NAALADL2: variants seen among roughly 807,000 people sequenced by gnomAD.
The protein encoded by NAALADL2 is N-acetylated alpha-linked acidic dipeptidase like 2, also known as inactive N-acetylated-alpha-linked acidic dipeptidase-like protein 2.
Under a neutral mutation model 87.2 loss-of-function variants are expected in NAALADL2, and 76 were observed. The ratio of observed to expected loss-of-function variants is 0.87; its 90% CI spans 0.72 to 1.05. The LOEUF is 1.05. NAALADL2 is among the 50% of genes least tolerant of loss of function. The pLI, the probability that NAALADL2 is intolerant of heterozygous loss-of-function variation, is 0.00. For missense variants in NAALADL2, 1,089 were observed against 945.8 expected (o/e 1.15, Z -1.99); for synonymous variants, 354 against 331.0 (o/e 1.07, Z -0.75).
In NAALADL2 at chr3:175,324,279, A is replaced by G. The variant is rs1760400981; in HGVS notation, c.1044A>G (p.Ser348=). The G allele has an allele frequency of 6.2e-7, 1 of 1,613,540 alleles. No individual in the cohort carries two copies. Among genetic ancestry groups the G allele is most frequent in the Admixed American group, 1.7e-5 (1 of 59,968 alleles). Residue 348 remains serine (S), a synonymous_variant, in exon 5 of 14, where the codon TCA becomes TCG. Coordinates refer to ENST00000454872, the MANE Select transcript of NAALADL2 (RefSeq NM_207015.3). ...VNPSHDTFMV[S]LNPGGDPSTP... The stretch of plus-strand genomic sequence containing the variant: ...CTAGCCATGATACCTTCATGGTGTC[A>G]CTGAATCCAGGAGGAGACCCTTCTA...
intron 3 of NAALADL2, among the ~76,000 whole-genome samples, chr3:174,853,495 C>T (rs763643748): frequency 6.6e-5 from 10 of 151,368 alleles, no homozygotes; most frequent in Non-Finnish European, 1.2e-4. Flanking sequence ...ATGACTAAAA[C>T]CTCAAAAGCG....
chr3:175,737,220 A>G (rs746057517), intron 11 of NAALADL2, 86 bp from the exon 12 acceptor site: 12 of 811,150 alleles, frequency 1.5e-5, no homozygotes, highest in Non-Finnish European at 2.3e-5. Context: ...CTAGATGTAT[A>G]AAAATATCTG....
At chr3:174,933,682 A>G (rs1737248564) in intron 1 of NAALADL2, among the ~76,000 whole-genome samples, 1 of 152,220 alleles carries the variant, frequency 6.6e-6, no homozygotes. Flanking sequence ...ATTTTGCTGT[A>G]TGAGCTAGAA....
At chr3:174,836,920 T>C (rs538180542) in intron 3 of NAALADL2, among the ~76,000 whole-genome samples, 1 of 151,948 alleles carries the variant, frequency 6.6e-6, no homozygotes, top group East Asian at 1.9e-4. Flanking sequence ...CAACCTTGGG[T>C]TCAACAAATA....
chr3:174,855,119 G>A (rs907290239), upstream of NAALADL2, among the ~76,000 whole-genome samples: 5 of 152,088 alleles, frequency 3.3e-5, no homozygotes, highest in East Asian at 5.8e-4. Flanking sequence ...GATTACAGGC[G>A]TGAGTCACTG....
chr3:174,665,557 G>A (rs540726098), intron 2 of NAALADL2, among the ~76,000 whole-genome samples: 1 of 152,258 alleles, frequency 6.6e-6, no homozygotes, highest in African/African-American at 2.4e-5. Context: ...GAGAATAAGT[G>A]TTCAGAATAT....
At chr3:175,005,520 A>T (rs11720920) in intron 1 of NAALADL2, among the ~76,000 whole-genome samples, 22,620 of 152,152 alleles carry the variant, frequency 0.15, 3,072 homozygotes, top group African/African-American at 0.37. Flanking sequence ...ACATACTAGG[A>T]GCTCAGTAAA....
intron 4 of NAALADL2, among the ~76,000 whole-genome samples, chr3:175,301,694 A>G (rs1757107040): frequency 6.6e-6 from 1 of 152,198 alleles, no homozygotes; most frequent in Non-Finnish European, 1.5e-5. Flanking sequence ...AAGAAAGTGA[A>G]AGATGAAATT....
At chr3:175,572,676 G>A (rs1718262243) in intron 9 of NAALADL2, among the ~76,000 whole-genome samples, 1 of 152,200 alleles carries the variant, frequency 6.6e-6, no homozygotes, top group Non-Finnish European at 1.5e-5. Context: ...AGTAGCTATA[G>A]CAAGAACAGA....
At chr3:175,041,101 G>C (rs955174648) in intron 1 of NAALADL2, among the ~76,000 whole-genome samples, 1 of 152,062 alleles carries the variant, frequency 6.6e-6, no homozygotes, top group African/African-American at 2.4e-5. Context: ...GCATATCGTG[G>C]ATATAGCACT....
chr3:175,162,584 A>G (rs1733389861), intron 2 of NAALADL2, among the ~76,000 whole-genome samples: 2 of 152,122 alleles, frequency 1.3e-5, no homozygotes, highest in African/African-American at 4.8e-5. Flanking sequence ...AGTATGTAAG[A>G]TGAGCCTAAA....
chr3:174,617,350 T>C (rs1466385004), intron 2 of NAALADL2, among the ~76,000 whole-genome samples: 2 of 151,758 alleles, frequency 1.3e-5, no homozygotes, highest in Non-Finnish European at 3.0e-5. Flanking sequence ...GAAGAAAATA[T>C]ATCATAAATT....
chr3:175,475,766 G>C (rs1242570240), intron 9 of NAALADL2, among the ~76,000 whole-genome samples: 1 of 152,112 alleles, frequency 6.6e-6, no homozygotes, highest in African/African-American at 2.4e-5. Context: ...ACCCAGGCTG[G>C]AATGCAAGTG....
intron 3 of NAALADL2, among the ~76,000 whole-genome samples, chr3:175,251,575 T>TA (rs1749075134): frequency 6.6e-6 from 1 of 152,220 alleles, no homozygotes; most frequent in Non-Finnish European, 1.5e-5. Flanking sequence ...GTTAACATAG[T>TA]ACCCCAACTA....
At chr3:175,302,189 A>G (rs542498628) in intron 4 of NAALADL2, among the ~76,000 whole-genome samples, 1 of 152,306 alleles carries the variant, frequency 6.6e-6, no homozygotes, top group East Asian at 1.9e-4. Flanking sequence ...ACAATCTTCA[A>G]AGCATTATAG....
intron 2 of NAALADL2, among the ~76,000 whole-genome samples, chr3:174,595,151 G>A (rs1717758301): frequency 6.6e-6 from 1 of 152,058 alleles, no homozygotes; most frequent in Non-Finnish European, 1.5e-5. Context: ...GCACAGTTGA[G>A]AAGAGATGTA....
intron 1 of NAALADL2, among the ~76,000 whole-genome samples, chr3:174,987,118 T>C (rs1745979943): frequency 6.6e-6 from 1 of 152,170 alleles, no homozygotes; most frequent in African/African-American, 2.4e-5. Flanking sequence ...TCATTAATGG[T>C]CTTTCATTTC....
intron 2 of NAALADL2, among the ~76,000 whole-genome samples, chr3:175,153,624 GT>G (rs1731877529): frequency 6.6e-6 from 1 of 152,114 alleles, no homozygotes; most frequent in African/African-American, 2.4e-5. Flanking sequence ...GTTTTAAACA[GT>G]TTAAACAGAA....
chr3:175,715,417 T>C (rs1175084254), intron 11 of NAALADL2, among the ~76,000 whole-genome samples: 1 of 152,220 alleles, frequency 6.6e-6, no homozygotes, highest in Non-Finnish European at 1.5e-5. Flanking sequence ...CATATATGCA[T>C]AGTAAATACC....
Sources: allele counts gnomAD v4.1 joint callset (sites outside exome capture counted in the v4.1 genomes callset), GRCh38; gene constraint gnomAD v4.1.1; transcripts MANE v1.5; gene names NCBI Gene and HGNC (gene_info 2026-07-23, HGNC 2026-07-21).